PDZRN3: variants seen among roughly 807,000 people sequenced by gnomAD.
PDZRN3 encodes PDZ domain containing ring finger 3, also known as E3 ubiquitin-protein ligase PDZRN3.
In PDZRN3, 38 loss-of-function variants were observed where a neutral mutation model predicts 85.7. The observed-to-expected ratio is 0.44, with a 90% CI of 0.34 to 0.58. PDZRN3 has a LOEUF of 0.58. Among genes scored for constraint, PDZRN3 ranks in the 20% least tolerant of loss-of-function variants. The pLI, the probability that PDZRN3 is intolerant of heterozygous loss-of-function variation, is 0.01. For synonymous variants in PDZRN3, 759 were observed against 638.0 expected (o/e 1.19, Z -2.86); for missense variants, 1,629 against 1,506.4 (o/e 1.08, Z -1.35).
At chr3:73,551,782 A>G (rs1701565262) in intron 3 of PDZRN3, among the ~76,000 whole-genome samples, 1 of 152,142 alleles carries the variant, frequency 6.6e-6, no homozygotes, top group Non-Finnish European at 1.5e-5. Context: ...TAAAAGTGCT[A>G]AAGGGTCATA....
At chr3:73,615,087 G>A (rs751663958) in intron 1 of PDZRN3, among the ~76,000 whole-genome samples, 4 of 151,662 alleles carry the variant, frequency 2.6e-5, no homozygotes, top group Admixed American at 2.0e-4. Flanking sequence ...GGGGGAACAG[G>A]TAGAAAAAAA....
chr3:73,602,238 C>T lies in PDZRN3; in HGVS notation c.918+116G>A, dbSNP rs1702525661. On this transcript the variant is annotated intron_variant, in intron 3 of 9. Transcript: ENST00000263666. ...CCACACAATGGGAAAAGTGAGACTC[C>T]CGCTCAACCATCTACCACTTTAGGC... The T allele has an allele frequency of 3.1e-6, 2 of 654,356 alleles. 1 individual carries two copies. Among genetic ancestry groups the T allele is most frequent in the Non-Finnish European group, 5.5e-6 (2 of 362,016 alleles). The allele number at this position is 654,356 out of a possible 1,614,324, so 40.5% of individuals were successfully genotyped here. A position where few individuals can be genotyped will look rare whatever the true frequency, so the allele number is the denominator to read the frequency against.
At chr3:73,408,743 T>G (rs1271896196) in intron 3 of PDZRN3, among the ~76,000 whole-genome samples, 2 of 152,208 alleles carry the variant, frequency 1.3e-5, no homozygotes. Flanking sequence ...CAGCCAAATT[T>G]GTTTTGAATT....
intron 3 of PDZRN3, among the ~76,000 whole-genome samples, chr3:73,601,805 A>G (rs149329467): frequency 6.9e-4 from 105 of 152,318 alleles, no homozygotes; most frequent in African/African-American, 2.4e-3. Flanking sequence ...AAATGGAGTA[A>G]GTGATGATAT....
At chr3:73,589,500 A>T (rs1702324275) in intron 3 of PDZRN3, among the ~76,000 whole-genome samples, 1 of 152,204 alleles carries the variant, frequency 6.6e-6, no homozygotes, top group Non-Finnish European at 1.5e-5. Context: ...CCTCTGAATC[A>T]GTGTAACTCC....
intron 3 of PDZRN3, among the ~76,000 whole-genome samples, chr3:73,446,387 T>C (rs1202650832): frequency 6.6e-6 from 1 of 152,196 alleles, no homozygotes; most frequent in Non-Finnish European, 1.5e-5. Context: ...TATACACCAA[T>C]ACTATTCCAT....
Position 73,407,624 on chromosome 3 carries a change from T to G in PDZRN3, c.919-3229A>C, listed in dbSNP as rs1298185357. ...TAATTAGTGAAAATCCTTCTCTGAT[T>G]AGGATTACATCTTAGTTCATTTTTA... On this transcript the variant is annotated intron_variant, in intron 3 of 9. Coordinates refer to ENST00000263666, the MANE Select transcript of PDZRN3 (RefSeq NM_015009.3). Among the ~76,000 whole-genome samples the G allele has an allele frequency of 2.0e-5, 3 of 152,172 alleles. 1 individual carries two copies. The highest frequency in any genetic ancestry group is 6.3e-3 in the Middle Eastern group (2 of 316).
At chr3:73,474,407 CTTATAATTAT>C (rs1703408234) in intron 3 of PDZRN3, 1 of 1,081,060 alleles carries the variant, frequency 9.3e-7, no homozygotes, top group African/African-American at 1.6e-5. Context: ...ACAATCACAT[CTTATAATTAT>C]CTTATTCATT....
intron 3 of PDZRN3, among the ~76,000 whole-genome samples, chr3:73,522,974 A>T (rs562939525): frequency 4.5e-4 from 68 of 152,330 alleles, no homozygotes; most frequent in Middle Eastern, 3.4e-3. Context: ...AGCCAATGAA[A>T]TATGACAAGA....
chr3:73,600,760 G>A (rs72893819), intron 3 of PDZRN3, among the ~76,000 whole-genome samples: 9,141 of 152,188 alleles, frequency 0.06, 922 homozygotes, highest in African/African-American at 0.21. Flanking sequence ...CCTTGGCAAC[G>A]GAAGCTGTAC....
At chr3:73,566,265 C>G (rs112837012) in intron 3 of PDZRN3, among the ~76,000 whole-genome samples, 2,446 of 152,254 alleles carry the variant, frequency 0.016, 58 homozygotes, top group African/African-American at 0.053. Context: ...TTGCAGAAAA[C>G]CTCAGCGATA....
intron 3 of PDZRN3, among the ~76,000 whole-genome samples, chr3:73,429,586 G>C (rs1157361888): frequency 6.6e-6 from 1 of 152,178 alleles, no homozygotes; most frequent in African/African-American, 2.4e-5. Context: ...TTGGAAATCT[G>C]TGTTTTTCTA....
intron 3 of PDZRN3, chr3:73,556,805 C>CCCA (rs1701708174): frequency 1.3e-5 from 2 of 152,188 alleles, no homozygotes; most frequent in Admixed American, 1.3e-4. Context: ...GAGGGTCTTC[C>CCCA]CCACCAGTCT....
intron 3 of PDZRN3, among the ~76,000 whole-genome samples, chr3:73,565,991 C>A (rs576817970): frequency 7.5e-4 from 114 of 152,214 alleles, no homozygotes; most frequent in Non-Finnish European, 1.4e-3. Flanking sequence ...AAACTGGATA[C>A]CTTTTCTTAC....
chr3:73,527,381 A>T (rs1704549338), intron 3 of PDZRN3, among the ~76,000 whole-genome samples: 1 of 152,210 alleles, frequency 6.6e-6, no homozygotes, highest in African/African-American at 2.4e-5. Flanking sequence ...CAATATTGAA[A>T]ATCCATTAGA....
At chr3:73,588,322 C>G (rs1363027929) in intron 3 of PDZRN3, among the ~76,000 whole-genome samples, 1 of 152,182 alleles carries the variant, frequency 6.6e-6, no homozygotes, top group Non-Finnish European at 1.5e-5. Flanking sequence ...TTTTCTTTGT[C>G]CAGGCTATCG....
chr3:73,553,019 T>C (rs1701599454), intron 3 of PDZRN3, among the ~76,000 whole-genome samples: 1 of 152,012 alleles, frequency 6.6e-6, no homozygotes, highest in Non-Finnish European at 1.5e-5. Flanking sequence ...GTCCAGATAA[T>C]TGAAAGAGAG....
intron 3 of PDZRN3, among the ~76,000 whole-genome samples, chr3:73,510,269 A>C (rs1559715436): frequency 6.6e-6 from 1 of 152,206 alleles, no homozygotes; most frequent in African/African-American, 2.4e-5. Flanking sequence ...AATATAGTTC[A>C]TGGGTATGTA....
intron 3 of PDZRN3, among the ~76,000 whole-genome samples, chr3:73,560,638 G>A (rs1212835743): frequency 6.6e-6 from 1 of 152,162 alleles, no homozygotes; most frequent in Non-Finnish European, 1.5e-5. Context: ...ATACTCAATT[G>A]TATCTGCCCC....
Sources: allele counts gnomAD v4.1 joint callset (sites outside exome capture counted in the v4.1 genomes callset), GRCh38; gene constraint gnomAD v4.1.1; transcripts MANE v1.5; gene names NCBI Gene and HGNC (gene_info 2026-07-23, HGNC 2026-07-21).